Variants in CABP5 observed in about 807,000 individuals in gnomAD.
The protein encoded by CABP5 is calcium binding protein 5, also known as calcium-binding protein 5.
In CABP5, 17 loss-of-function variants were observed where a neutral mutation model predicts 21.9. The ratio of observed to expected loss-of-function variants is 0.78; its 90% confidence interval spans 0.53 to 1.17. The LOEUF (loss-of-function observed/expected upper bound fraction) is 1.17, where lower values mean the gene tolerates loss of function less well. Among genes scored for constraint, CABP5 ranks in the 50% most tolerant of loss-of-function variants. CABP5 has a pLI of 0.00. For missense variants in CABP5, 229 were observed against 228.9 expected, an observed-to-expected ratio of 1.00 and a Z score of 0.00; for synonymous variants, 85 against 79.4, an observed-to-expected ratio of 1.07 and a Z score of -0.37.
Position 48,041,562 on chromosome 19 carries a change from G to A in CABP5, c.94+11C>T. 6.2e-7 allele frequency: 1 copy of A among 1,612,402 alleles called. No homozygotes were observed. The highest frequency in any genetic ancestry group is 1.3e-5 in the African/African-American group (1 of 74,908). On this transcript the variant is annotated intron_variant, in intron 2 of 5. Transcript: ENST00000293255. The stretch of plus-strand genomic sequence containing the variant: ...TGGCAACGTGGAAGCAACTGGGGAA[G>A]ACGGTGTTACCTTCAATCTCATCTT...
rs116616007 is a variant in CABP5 at position 48,037,774 on chromosome 19, G to A, written c.348+1434C>T. On this transcript the variant is annotated intron_variant, in intron 4 of 5. Transcript: ENST00000293255. Reference sequence around the variant, plus strand: ...TAAGGCAGTAAGTTCTAAGTTCTTAGTAGGTGCTTAGCATGCTTAATTAGG... The same window carrying A: ...TAAGGCAGTAAGTTCTAAGTTCTTAATAGGTGCTTAGCATGCTTAATTAGG... 4.0e-3 allele frequency among the ~76,000 whole-genome samples: 602 copies of A among 152,222 alleles called. 5 individuals are homozygous for A. The highest frequency in any genetic ancestry group is 0.014 in the African/African-American group (584 of 41,524).
intron 5 of CABP5, among the ~76,000 whole-genome samples, chr19:48,032,199 T>C (rs1369613007): frequency 6.6e-6 from 1 of 151,756 alleles, no homozygotes. Context: ...GGAACGGAGG[T>C]TGGAGAACAT....
At chr19:48,042,180 G>A (rs543643541) in intron 1 of CABP5, among the ~76,000 whole-genome samples, 1 of 152,222 alleles carries the variant, frequency 6.6e-6, no homozygotes, top group African/African-American at 2.4e-5. Flanking sequence ...GTCAGACACA[G>A]TATTGGGATT....
At chr19:48,033,577 G>A (rs1441948615) in intron 5 of CABP5, among the ~76,000 whole-genome samples, 1 of 152,148 alleles carries the variant, frequency 6.6e-6, no homozygotes, top group African/African-American at 2.4e-5. Context: ...AAGAGAGGTG[G>A]GAGGTACCTT....
rs111479062 is a variant in CABP5 at position 48,029,570 on chromosome 19, C to A, written c.*987G>T. ...CTCTGGGTGGTCCAGGACAGACCAG[C>A]GCGGAGGTAGGAGGCTTCTAGGAAA... On this transcript the variant is annotated 3_prime_UTR_variant, in exon 6 of 6. Transcript: ENST00000293255. Among the ~76,000 whole-genome samples, 1 of 152,004 alleles carries A rather than the reference C, an allele frequency of 6.6e-6. No individual in the cohort carries two copies. Among genetic ancestry groups the A allele is most frequent in the Non-Finnish European group, 1.5e-5 (1 of 67,998 alleles).
At position 48,034,277 on chromosome 19, in the gene CABP5, C is replaced by T. The variant is rs201723797; in HGVS notation, c.434G>A (p.Arg145Gln). The part of the protein sequence containing the change: ...QRLLGERLTP[R>Q]EISEVVREAD... ...CTCCCGGACAACCTCAGAGATCTCC[C>T]GGGGGGTGAGCCGCTCCCCCAGGAG... Residue 145 changes from arginine (R) to glutamine (Q), a missense_variant, in exon 5 of 6, where the codon CGG (arginine) becomes CAG (glutamine). By Grantham distance (43) the Arg-to-Gln change is conservative. Transcript: ENST00000293255. The T allele has an allele frequency of 6.8e-6, 11 of 1,608,134 alleles. No individual in the cohort carries two copies. The East Asian group carries it at 1.1e-4, about 17-fold the overall frequency.
At chr19:48,040,481 C>A in intron 3 of CABP5, 124 bp downstream of exon 3, 5 of 982,384 alleles carry the variant, frequency 5.1e-6, no homozygotes, top group Non-Finnish European at 7.4e-6. Flanking sequence ...TGTTTTCTTC[C>A]AGACTTCTAG....
chr19:48,040,516 C>G (rs549071472), intron 3 of CABP5, 89 bp downstream of exon 3: 2 of 1,410,926 alleles, frequency 1.4e-6, no homozygotes, highest in Non-Finnish European at 2.0e-6. Flanking sequence ...CTCTCCACCC[C>G]CAACTCTACT....
Position 48,044,009 on chromosome 19 carries a change from C to T in CABP5, c.-87G>A. On this transcript the variant is annotated 5_prime_UTR_variant, in exon 1 of 6. Transcript: ENST00000293255. Reference sequence around the variant, plus strand: ...TGTCGGAGCTCAGCCTCCTTATCTTCTCCAGCACTCCTTTGCCACCTCTTC... The same window carrying T: ...TGTCGGAGCTCAGCCTCCTTATCTTTTCCAGCACTCCTTTGCCACCTCTTC... The T allele has an allele frequency of 8.6e-7, 1 of 1,163,768 alleles. No individual in the cohort carries two copies. Among genetic ancestry groups the T allele is most frequent in the East Asian group, 2.9e-5 (1 of 34,662 alleles). The allele number at this position is 1,163,768 out of a possible 1,614,324, so 72.1% of individuals were successfully genotyped here. A position where few individuals can be genotyped will look rare whatever the true frequency, so the allele number is the denominator to read the frequency against.
At chr19:48,041,929 T>C (rs1405338045) in intron 1 of CABP5, among the ~76,000 whole-genome samples, 2 of 152,132 alleles carry the variant, frequency 1.3e-5, no homozygotes, top group Admixed American at 6.5e-5. Flanking sequence ...AAGTGAGACT[T>C]CACAACCACA....
intron 5 of CABP5, 50 bp from the exon 6 acceptor site, chr19:48,030,632 C>T (rs1489614971): frequency 6.3e-7 from 1 of 1,591,654 alleles, no homozygotes; most frequent in Non-Finnish European, 8.6e-7. Flanking sequence ...TGTAAAAGCC[C>T]CCAACATTAT....
chr19:48,034,000 G>A (rs1025242347), intron 5 of CABP5, among the ~76,000 whole-genome samples: 2 of 152,096 alleles, frequency 1.3e-5, no homozygotes, highest in African/African-American at 2.4e-5. Context: ...GGTGTTCCTC[G>A]GAGCCACCAG....
chr19:48,031,113 T>C (rs1200454583), intron 5 of CABP5, among the ~76,000 whole-genome samples: 2 of 152,206 alleles, frequency 1.3e-5, no homozygotes, highest in Non-Finnish European at 2.9e-5. Flanking sequence ...TTCATTTCTG[T>C]TATGAAAATA....
At chr19:48,031,890 A>C (rs375664743) in intron 5 of CABP5, among the ~76,000 whole-genome samples, 6 of 149,288 alleles carry the variant, frequency 4.0e-5, no homozygotes, top group African/African-American at 1.5e-4. Context: ...CAGGTGTCCA[A>C]CCAGCCTCTA....
In CABP5 at chr19:48,030,537, C is replaced by G; in HGVS notation, c.*20G>C. On this transcript the variant is annotated 3_prime_UTR_variant, in exon 6 of 6. Transcript: ENST00000293255. ...TCCATGTTGACCAGGTGGAGAGGGT[C>G]TGGAGCTTCCAGGACCTCCTCAGCG... 1 of 1,611,852 alleles carries G rather than the reference C, an allele frequency of 6.2e-7. No homozygotes were observed.
chr19:48,034,151 G>A, intron 5 of CABP5, 64 bp downstream of exon 5: 1 of 1,428,766 alleles, frequency 7.0e-7, no homozygotes, highest in Non-Finnish European at 9.3e-7. Context: ...AAATCTGACA[G>A]TGAGTTGGAA....
intron 1 of CABP5, among the ~76,000 whole-genome samples, chr19:48,043,567 C>T (rs1967512040): frequency 7.1e-6 from 1 of 141,558 alleles, no homozygotes; most frequent in South Asian, 2.4e-4. Context: ...CAATGAGCAT[C>T]CATAGAAAAG....
chr19:48,032,486 C>T (rs1370820598), intron 5 of CABP5, among the ~76,000 whole-genome samples: 1 of 151,736 alleles, frequency 6.6e-6, no homozygotes, highest in Non-Finnish European at 1.5e-5. Context: ...CATGCCACCA[C>T]CCCTGGCTAA....
intron 5 of CABP5, among the ~76,000 whole-genome samples, chr19:48,031,533 C>A (rs1318137141): frequency 9.2e-5 from 14 of 152,144 alleles, no homozygotes; most frequent in African/African-American, 3.4e-4. Flanking sequence ...GAGTGAGACT[C>A]CATCTAAAAA....
Sources: allele counts gnomAD v4.1 joint callset (sites outside exome capture counted in the v4.1 genomes callset), GRCh38; gene constraint gnomAD v4.1.1; transcripts MANE v1.5; gene names NCBI Gene and HGNC (gene_info 2026-07-23, HGNC 2026-07-21).